SLC24A2: variants seen among roughly 807,000 people sequenced by gnomAD.
The protein encoded by SLC24A2 is sodium/potassium/calcium exchanger 2.
In SLC24A2, 36 loss-of-function variants were observed where a neutral mutation model predicts 62.0. The observed-to-expected ratio is 0.58, with a 90% CI of 0.44 to 0.77. The LOEUF is 0.77. Ranked by LOEUF, SLC24A2 falls within the 30% of genes least tolerant of loss-of-function variation. SLC24A2 has a pLI of 0.00. For synonymous variants in SLC24A2, 358 were observed against 294.0 expected (o/e 1.22, Z -2.23); for missense variants, 846 against 817.9 (o/e 1.03, Z -0.42).
the SLC24A2 span, among the ~76,000 whole-genome samples, chr9:20,062,151 C>G: frequency 6.6e-6 from 1 of 152,096 alleles, no homozygotes; most frequent in Non-Finnish European, 1.5e-5. Context: ...ATCACTTGAG[C>G]CCAAAAGTCC....
intron 2 of SLC24A2, among the ~76,000 whole-genome samples, chr9:19,641,568 G>T (rs1587081782): frequency 6.7e-6 from 1 of 148,868 alleles, no homozygotes; most frequent in South Asian, 2.1e-4. Context: ...AGGCTGGAGT[G>T]CAGTGGTGTG....
chr9:19,705,711 A>C (rs1157238017), intron 2 of SLC24A2: 1 of 166,764 alleles, frequency 6.0e-6, no homozygotes, highest in African/African-American at 2.4e-5. Flanking sequence ...ATTCAGGAGC[A>C]GGTTGTTCAG....
At chr9:19,911,616 G>A in the SLC24A2 span, among the ~76,000 whole-genome samples, 1 of 152,150 alleles carries the variant, frequency 6.6e-6, no homozygotes, top group Non-Finnish European at 1.5e-5. Context: ...GATTGAGTGA[G>A]ATTCCCTGAG....
chr9:20,246,674 G>C, the SLC24A2 span, among the ~76,000 whole-genome samples: 8 of 152,222 alleles, frequency 5.3e-5, no homozygotes, highest in African/African-American at 1.7e-4. Flanking sequence ...CAAAGTTCAA[G>C]ATCATGGGAA....
At chr9:20,196,966 C>A in the SLC24A2 span, among the ~76,000 whole-genome samples, 1 of 152,132 alleles carries the variant, frequency 6.6e-6, no homozygotes, top group Admixed American at 6.5e-5. Flanking sequence ...CAAGGCATTG[C>A]ATAATTTTCA....
chr9:19,918,209 C>T, the SLC24A2 span, among the ~76,000 whole-genome samples: 341 of 151,004 alleles, frequency 2.3e-3, 6 homozygotes, highest in East Asian at 0.06. Context: ...TATAAACCAT[C>T]TTTACATTCC....
chr9:20,238,289 A>G, the SLC24A2 span, among the ~76,000 whole-genome samples: 6 of 152,312 alleles, frequency 3.9e-5, no homozygotes, highest in African/African-American at 1.4e-4. Context: ...AGAGAGGTGC[A>G]GTGTCTTATG....
At position 19,718,697 on chromosome 9, in the gene SLC24A2, G is replaced by A. The variant is rs560617233; in HGVS notation, c.930+67240C>T. On this transcript the variant is annotated intron_variant, in intron 2 of 10. Coordinates refer to ENST00000341998, the MANE Select transcript of SLC24A2 (RefSeq NM_020344.4). Reference sequence around the variant, plus strand: ...GCCAGGCTTATGGTCACTGCATCACGGACACTGAATGACTAGACCTCGACA... The same window carrying A: ...GCCAGGCTTATGGTCACTGCATCACAGACACTGAATGACTAGACCTCGACA... Among the ~76,000 whole-genome samples the A allele has an allele frequency of 2.0e-5, 3 of 152,084 alleles. No individual in the cohort carries two copies. In the East Asian group the frequency reaches 5.8e-4, roughly 29 times the overall value.
chr9:19,550,829 T>G (rs760501684), intron 7 of SLC24A2, among the ~76,000 whole-genome samples: 2 of 152,052 alleles, frequency 1.3e-5, no homozygotes, highest in Admixed American at 6.5e-5. Context: ...GTGCATTGAT[T>G]TTTGTGTAGT....
intron 2 of SLC24A2, among the ~76,000 whole-genome samples, chr9:19,686,639 T>C (rs1819889527): frequency 6.6e-6 from 1 of 152,088 alleles, no homozygotes; most frequent in Non-Finnish European, 1.5e-5. Context: ...CTTTCTTCCC[T>C]TTGCTCAGCA....
chr9:19,803,925 C>T, the SLC24A2 span, among the ~76,000 whole-genome samples: 1 of 152,020 alleles, frequency 6.6e-6, no homozygotes, highest in Non-Finnish European at 1.5e-5. Context: ...TAAAAATATA[C>T]ATTTCTCTTG....
the SLC24A2 span, among the ~76,000 whole-genome samples, chr9:19,839,607 G>C: frequency 2.0e-5 from 3 of 152,048 alleles, no homozygotes; most frequent in South Asian, 6.2e-4. Flanking sequence ...TGAAGTAAAG[G>C]TCAAAATCTG....
At chr9:20,078,899 A>G in the SLC24A2 span, among the ~76,000 whole-genome samples, 1 of 152,210 alleles carries the variant, frequency 6.6e-6, no homozygotes, top group African/African-American at 2.4e-5. Context: ...AGCTTTGTAT[A>G]ATTATACTTC....
the SLC24A2 span, among the ~76,000 whole-genome samples, chr9:19,923,573 T>C: frequency 1.3e-5 from 2 of 152,280 alleles, no homozygotes; most frequent in Non-Finnish European, 2.9e-5. Flanking sequence ...GCAGTTCTGC[T>C]GTGCTCTTGG....
At chr9:19,808,928 TACAGAAATGA>T in the SLC24A2 span, among the ~76,000 whole-genome samples, 1 of 152,212 alleles carries the variant, frequency 6.6e-6, no homozygotes, top group East Asian at 1.9e-4. This position sits in a 1 kb window ranked among gnomAD's most constrained non-coding sequence, Gnocchi z 4.1. Context: ...AATGTTTTCT[TACAGAAATGA>T]ACATTTCAAG....
intron 2 of SLC24A2, among the ~76,000 whole-genome samples, chr9:19,666,128 A>C (rs1587122197): frequency 6.6e-6 from 1 of 152,112 alleles, no homozygotes; most frequent in African/African-American, 2.4e-5. Context: ...ATTATTGGCC[A>C]GGCACAGTGG....
At chr9:19,534,078 C>G (rs1162129011) in intron 8 of SLC24A2, among the ~76,000 whole-genome samples, 1 of 152,180 alleles carries the variant, frequency 6.6e-6, no homozygotes, top group Non-Finnish European at 1.5e-5. Context: ...AATCCAGAAA[C>G]CTTCTGACCA....
the SLC24A2 span, among the ~76,000 whole-genome samples, chr9:20,043,416 G>A: frequency 6.6e-6 from 1 of 152,192 alleles, no homozygotes; most frequent in Non-Finnish European, 1.5e-5. Flanking sequence ...TAAGGTGATA[G>A]CTGCCATAGA....
At chr9:20,092,964 T>C in the SLC24A2 span, among the ~76,000 whole-genome samples, 2 of 152,194 alleles carry the variant, frequency 1.3e-5, no homozygotes, top group African/African-American at 2.4e-5. Flanking sequence ...TAGAATGAAA[T>C]CATGGCCAAC....
Sources: allele counts gnomAD v4.1 joint callset (sites outside exome capture counted in the v4.1 genomes callset), GRCh38; gene constraint gnomAD v4.1.1; non-coding constraint Gnocchi (gnomAD v3.1); transcripts MANE v1.5; gene names NCBI Gene and HGNC (gene_info 2026-07-23, HGNC 2026-07-21).